MPP2: variants seen among roughly 807,000 people sequenced by gnomAD.
The protein encoded by MPP2 is MAGUK p55 subfamily member 2.
A neutral mutation model predicts 58.5 loss-of-function variants in MPP2; 42 were observed. The observed-to-expected ratio is 0.72, with a 90% confidence interval of 0.56 to 0.93. The LOEUF is 0.93. Among genes scored for constraint, MPP2 ranks in the 40% least tolerant of loss-of-function variants. The pLI, the probability that MPP2 is intolerant of heterozygous loss-of-function variation, is 0.00. For synonymous variants in MPP2, 300 were observed against 307.8 expected, an observed-to-expected ratio of 0.97 and a Z score of 0.26; for missense variants, 632 against 760.4, an observed-to-expected ratio of 0.83 and a Z score of 1.99.
intron 12 of MPP2, among the ~76,000 whole-genome samples, chr17:43,878,439 G>A (rs905114034): frequency 1.3e-5 from 2 of 152,192 alleles, no homozygotes; most frequent in African/African-American, 4.8e-5. Flanking sequence ...AGTACCCAGG[G>A]CAACCCCACC....
chr17:43,877,923 A>T lies in MPP2; in HGVS notation c.1543T>A (p.Tyr515Asn), dbSNP rs1038508944. Residue 515 changes from tyrosine to asparagine, a missense_variant, in exon 13 of 13, where the codon TAC becomes AAC. Physicochemically the swap from Tyr to Asn is moderately radical, Grantham distance 143. Coordinates refer to ENST00000269095, the MANE Select transcript of MPP2 (RefSeq NM_005374.5). ...SSRIQRGYGH[Y>N]FDLCLVNSNL... ...CTATTGACCAGGCAGAGGTCAAAGT[A>T]GTGCCCGTAGCCCCGCTGGATGCGG... 1.6e-5 allele frequency: 26 copies of T among 1,613,932 alleles called. No homozygotes were observed. The highest frequency in any genetic ancestry group is 2.0e-5 in the Non-Finnish European group (24 of 1,179,968).
chr17:43,908,614 G>A (rs919075868), upstream of MPP2, among the ~76,000 whole-genome samples: 1 of 152,162 alleles, frequency 6.6e-6, no homozygotes, highest in African/African-American at 2.4e-5. Context: ...GGTAGCGCGC[G>A]CCTGTAGTCC....
rs1265290065 is a variant in MPP2 at position 43,880,032 on chromosome 17, A to G, written c.1151-48T>C. 5 of 1,583,704 alleles carry G rather than the reference A, an allele frequency of 3.2e-6. No individual in the cohort carries two copies. Among genetic ancestry groups the G allele is most frequent in the Non-Finnish European group, 4.3e-6 (5 of 1,153,926 alleles). Reference sequence around the variant, plus strand: ...GACCAAATGGGCAGGGGCAGGTTACAGTGCCTCAGACACATATATGCACCC... The same window carrying G: ...GACCAAATGGGCAGGGGCAGGTTACGGTGCCTCAGACACATATATGCACCC... On this transcript the variant is annotated intron_variant, in intron 10 of 12. Transcript: ENST00000269095. The surrounding 1 kb of genome is among the most constrained non-coding windows in gnomAD (Gnocchi z 5.2).
At chr17:43,904,820 C>T (rs2048227740) in intron 1 of MPP2, among the ~76,000 whole-genome samples, 1 of 152,108 alleles carries the variant, frequency 6.6e-6, no homozygotes, top group Admixed American at 6.5e-5. Flanking sequence ...AGTGTTTCTT[C>T]CTGTTGTATT....
At chr17:43,882,124 G>T (rs1377362479) in intron 6 of MPP2, among the ~76,000 whole-genome samples, 160 bp downstream of exon 6, 1 of 152,214 alleles carries the variant, frequency 6.6e-6, no homozygotes, top group Non-Finnish European at 1.5e-5. Flanking sequence ...AGCGGCAGAG[G>T]CCTGTCGGCG....
intron 3 of MPP2, among the ~76,000 whole-genome samples, chr17:43,892,922 C>A (rs2047667613): frequency 2.0e-5 from 3 of 152,184 alleles, no homozygotes; most frequent in African/African-American, 7.2e-5. Flanking sequence ...AACTATCTGG[C>A]AGTTCACTGC....
intron 3 of MPP2, 144 bp from the exon 4 acceptor site, chr17:43,883,499 T>C (rs2047238513): frequency 6.3e-6 from 5 of 787,806 alleles, no homozygotes; most frequent in East Asian, 5.6e-5. Flanking sequence ...CTGACAATCA[T>C]ACCCACACGT....
rs892046455 is a variant in MPP2, at chr17:43,877,368, G to C, written c.*439C>G. On this transcript the variant is annotated 3_prime_UTR_variant, in exon 13 of 13. Transcript: ENST00000269095. ...GCCCAAGGCCTGTTCCTCCGACACA[G>C]GGGTGAGAGGTGGGAGGAGTCCAGG... is the stretch of plus-strand genomic sequence containing the variant. 1 of 157,256 alleles carries C rather than the reference G, an allele frequency of 6.4e-6. No homozygotes were observed. The highest frequency in any genetic ancestry group is 2.4e-5 in the African/African-American group (1 of 41,706). 9.7% of individuals were successfully genotyped at this position (157,256 alleles called of 1,614,324 possible).
intron 1 of MPP2, chr17:43,906,070 C>T (rs1007345294): frequency 4.1e-6 from 4 of 984,216 alleles, no homozygotes; most frequent in African/African-American, 3.5e-5. Flanking sequence ...CCCTCCCAGG[C>T]CTTGATGACC....
chr17:43,887,419 AT>A (rs1274717795), intron 3 of MPP2, among the ~76,000 whole-genome samples: 1 of 151,866 alleles, frequency 6.6e-6, no homozygotes, highest in African/African-American at 2.4e-5. Context: ...GAATTTAATA[AT>A]CTTTCATGCA....
In MPP2 at chr17:43,881,516, C is replaced by T. The variant is rs1006461685; in HGVS notation, c.755G>A (p.Arg252His). The T allele has an allele frequency of 4.3e-6, 7 of 1,614,018 alleles. No homozygotes were observed. In the Admixed American group the frequency reaches 6.7e-5, roughly 15 times the overall value. The change falls in exon 7 of 13, where the codon CGC becomes CAC. Residue 252 changes from arginine to histidine, a missense_variant. Transcript: ENST00000269095. The stretch of plus-strand genomic sequence containing the variant: ...CTGGAGCAAGTCCCCGGCGTTGAAG[C>T]GCAGGCCTGCTTCCTTGCAGGGGAT... ...SLIPCKEAGL[R>H]FNAGDLLQIV...
chr17:43,901,463 G>A (rs1345551512), intron 2 of MPP2: 15 of 985,336 alleles, frequency 1.5e-5, no homozygotes, highest in Non-Finnish European at 1.8e-5. Context: ...ACTCAGCTCC[G>A]CTCCGGTGAC....
intron 9 of MPP2, 78 bp downstream of exon 9, chr17:43,881,012 G>A (rs1450634963): frequency 2.7e-5 from 42 of 1,563,522 alleles, no homozygotes; most frequent in Middle Eastern, 3.6e-4. Context: ...GGCACACGTC[G>A]TCACAGGTGA....
chr17:43,906,360 G>A (rs1221870176), intron 1 of MPP2, among the ~76,000 whole-genome samples: 1 of 152,176 alleles, frequency 6.6e-6, no homozygotes, highest in Admixed American at 6.5e-5. Flanking sequence ...AAGCTAGCCT[G>A]GCTCCGTGCC....
intron 3 of MPP2, among the ~76,000 whole-genome samples, chr17:43,886,186 G>C (rs1182707642): frequency 1.3e-5 from 2 of 151,872 alleles, no homozygotes; most frequent in African/African-American, 4.8e-5. Context: ...TGATACCCTA[G>C]GGCTTTTATT....
In MPP2 at chr17:43,879,302, C is replaced by T. The variant is rs2046991071; in HGVS notation, c.1455G>A (p.Glu485=). 7.4e-6 allele frequency: 12 copies of T among 1,613,960 alleles called. No homozygotes were observed. Among genetic ancestry groups the T allele is most frequent in the Middle Eastern group, 1.6e-4 (1 of 6,080 alleles). Residue 485 remains glutamate, a synonymous_variant, in exon 12 of 13, where the codon GAG becomes GAA. Coordinates refer to ENST00000269095, the MANE Select transcript of MPP2 (RefSeq NM_005374.5). The surrounding 1 kb of genome is among the most constrained non-coding windows in gnomAD (Gnocchi z 4.1). ...TLRAMNRAAL[E]SGISTKQLTE... ...TGAGCTGCTTGGTGGATATTCCACTCTCCAGCGCAGCCCTGTTCATGGCCC... is the reference window on the plus strand; with the variant it reads ...TGAGCTGCTTGGTGGATATTCCACTTTCCAGCGCAGCCCTGTTCATGGCCC...
In MPP2 at chr17:43,875,457, T is replaced by G. The variant is rs937014937; in HGVS notation, c.*2350A>C. On this transcript the variant is annotated 3_prime_UTR_variant, in exon 13 of 13. Transcript: ENST00000269095. Reference sequence around the variant, plus strand: ...GAGGGAGGGAACAGAGGAAGCGCACTGGGGCTGGGACTGAATATGGACAGT... The same window carrying G: ...GAGGGAGGGAACAGAGGAAGCGCACGGGGGCTGGGACTGAATATGGACAGT... The G allele has an allele frequency of 6.6e-6, 1 of 152,366 alleles. No homozygotes were observed. The highest frequency in any genetic ancestry group is 1.5e-5 in the Non-Finnish European group (1 of 68,134). 9.4% of individuals were successfully genotyped at this position (152,366 alleles called of 1,614,324 possible). A position where few individuals can be genotyped will look rare whatever the true frequency, so the allele number is the denominator to read the frequency against.
chr17:43,897,229 C>T (rs899205616), intron 3 of MPP2, among the ~76,000 whole-genome samples: 1 of 152,200 alleles, frequency 6.6e-6, no homozygotes, highest in Non-Finnish European at 1.5e-5. Flanking sequence ...TGCCTGTAAT[C>T]CCAGCACTTT....
intron 3 of MPP2, among the ~76,000 whole-genome samples, chr17:43,896,191 C>T (rs547558574): frequency 1.3e-5 from 2 of 152,220 alleles, no homozygotes; most frequent in African/African-American, 4.8e-5. Flanking sequence ...TGGTCACCTC[C>T]ACCACCATGC....
Sources: allele counts gnomAD v4.1 joint callset (sites outside exome capture counted in the v4.1 genomes callset), GRCh38; gene constraint gnomAD v4.1.1; non-coding constraint Gnocchi (gnomAD v3.1); transcripts MANE v1.5; gene names NCBI Gene and HGNC (gene_info 2026-07-23, HGNC 2026-07-21).